PHF14: variants seen among roughly 807,000 people sequenced by gnomAD.
PHF14 encodes the protein PHD finger protein 14.
A neutral mutation model predicts 117.9 loss-of-function variants in PHF14; 55 were observed. The ratio of observed to expected loss-of-function variants is 0.47; its 90% CI spans 0.38 to 0.58. The LOEUF (loss-of-function observed/expected upper bound fraction) is 0.58. Among genes scored for constraint, PHF14 ranks in the 20% least tolerant of loss-of-function variants. The pLI is 0.00. For missense variants in PHF14, 978 were observed against 1,122.2 expected, an observed-to-expected ratio of 0.87 and a Z score of 1.84; for synonymous variants, 409 against 368.6, an observed-to-expected ratio of 1.11 and a Z score of -1.26.
intron 16 of PHF14, among the ~76,000 whole-genome samples, chr7:11,076,878 GTTT>G (rs111330414): frequency 7.4e-6 from 1 of 135,366 alleles, no homozygotes. Flanking sequence ...TTCAAATATG[GTTT>G]TTTTTTTTTT....
At chr7:11,128,356 C>T (rs1178587811) in intron 17 of PHF14, among the ~76,000 whole-genome samples, 1 of 151,982 alleles carries the variant, frequency 6.6e-6, no homozygotes, top group Non-Finnish European at 1.5e-5. Flanking sequence ...TCTTTCTCCT[C>T]TCAGCCTTAA....
intron 16 of PHF14, among the ~76,000 whole-genome samples, chr7:11,096,017 T>C (rs1237936410): frequency 6.6e-6 from 1 of 152,202 alleles, no homozygotes; most frequent in East Asian, 1.9e-4. Flanking sequence ...TTTAGTCCAC[T>C]GAGAATCCCA....
chr7:11,139,231 CAT>C (rs1193956905), intron 17 of PHF14, among the ~76,000 whole-genome samples: 4 of 152,068 alleles, frequency 2.6e-5, no homozygotes, highest in South Asian at 2.1e-4. Flanking sequence ...TATTAAAAAA[CAT>C]ATTGAGAGAA....
intron 13 of PHF14, among the ~76,000 whole-genome samples, chr7:11,049,723 G>GA (rs1316329920): frequency 6.6e-6 from 1 of 152,102 alleles, no homozygotes; most frequent in African/African-American, 2.4e-5. Context: ...AATAAAGTCA[G>GA]AATATACTTA....
chr7:11,009,660 C>T (rs1783268707), intron 4 of PHF14, among the ~76,000 whole-genome samples: 1 of 152,166 alleles, frequency 6.6e-6, no homozygotes, highest in Non-Finnish European at 1.5e-5. Flanking sequence ...GTCTAGAGCT[C>T]AGTAAACCCA....
At chr7:11,062,180 A>G in intron 16 of PHF14, 95 bp downstream of exon 16, 1 of 1,036,452 alleles carries the variant, frequency 9.6e-7, no homozygotes, top group African/African-American at 1.6e-5. Flanking sequence ...GCAGGATAAG[A>G]CCTTTCTTAA....
intron 4 of PHF14, among the ~76,000 whole-genome samples, chr7:11,001,926 A>T (rs1782889445): frequency 6.6e-6 from 1 of 151,932 alleles, no homozygotes; most frequent in Non-Finnish European, 1.5e-5. Context: ...CTCATACCTC[A>T]TCTTTGTGGG....
intron 17 of PHF14, among the ~76,000 whole-genome samples, chr7:11,127,052 TC>T (rs778479483): frequency 5.3e-5 from 8 of 152,096 alleles, no homozygotes; most frequent in Non-Finnish European, 7.4e-5. Context: ...GCTTCCTTTT[TC>T]CCCCAGTTAC....
chr7:11,159,175 C>G (rs1426634020), intron 17 of PHF14, among the ~76,000 whole-genome samples: 2 of 151,716 alleles, frequency 1.3e-5, no homozygotes, highest in Non-Finnish European at 2.9e-5. Context: ...AATTTGTTAC[C>G]TTTCATTTTT....
intron 4 of PHF14, among the ~76,000 whole-genome samples, chr7:10,994,254 A>T (rs967328829): frequency 6.6e-6 from 1 of 152,068 alleles, no homozygotes; most frequent in African/African-American, 2.4e-5. Flanking sequence ...CCTGTCCAAC[A>T]TGGTGAAACC....
rs191063396 is a variant in PHF14, at chr7:11,035,317, G to A, written c.1456-323G>A. Among the ~76,000 whole-genome samples the A allele has an allele frequency of 9.9e-5, 15 of 152,030 alleles. No homozygotes were observed. The East Asian group carries it at 2.9e-3, about 30-fold the overall frequency. ...ATCCACAGATTTTGGTATCCTTGGG[G>A]GGTCCTGGAACCAGTCCCCCATGGA... is the stretch of plus-strand genomic sequence containing the variant. On this transcript the variant is annotated intron_variant, in intron 7 of 17. Transcript: ENST00000634607.
intron 16 of PHF14, chr7:11,107,788 T>G: frequency 1.2e-6 from 1 of 860,774 alleles, no homozygotes; most frequent in African/African-American, 1.8e-5. Flanking sequence ...AAAAGTTTTT[T>G]AAAACATTTT....
In PHF14 at chr7:11,040,929, C is replaced by T. The variant is rs542139909; in HGVS notation, c.2180+154C>T. Among the ~76,000 whole-genome samples the T allele has an allele frequency of 3.3e-5, 5 of 152,028 alleles. No homozygotes were observed. The East Asian group carries it at 7.7e-4, about 23-fold the overall frequency. ...GTTCATTTTCTCAAAAGATGCATTC[C>T]AGTTTGAATGATAGAGGAGATTTTT... On this transcript the variant is annotated intron_variant, in intron 12 of 17. Coordinates refer to ENST00000634607, the MANE Select transcript of PHF14 (RefSeq NM_001007157.2).
rs927246359 is a variant in PHF14 at position 11,087,287 on chromosome 7, G to A, written c.2655-24063G>A. 3.3e-5 allele frequency among the ~76,000 whole-genome samples: 5 copies of A among 151,954 alleles called. No homozygotes were observed. In the South Asian group the frequency reaches 6.2e-4, roughly 19 times the overall value. ...GCTCACTGCAACCTCTGCCTCCTGG[G>A]TTCAAGCGATTTTTCTGCCCCAGCC... On this transcript the variant is annotated intron_variant, in intron 16 of 17. Transcript: ENST00000634607.
At chr7:11,024,533 G>C (rs1173518824) in intron 6 of PHF14, among the ~76,000 whole-genome samples, 3 of 152,152 alleles carry the variant, frequency 2.0e-5, no homozygotes, top group Non-Finnish European at 4.4e-5. Flanking sequence ...AGAGGTGAAT[G>C]CGGCTGGTGA....
chr7:11,163,490 A>C (rs1789110142), intron 17 of PHF14, among the ~76,000 whole-genome samples: 1 of 152,176 alleles, frequency 6.6e-6, no homozygotes, highest in Non-Finnish European at 1.5e-5. Flanking sequence ...TGCATTGGAA[A>C]ACTGAATGCA....
intron 7 of PHF14, among the ~76,000 whole-genome samples, chr7:11,033,615 T>G (rs1469745000): frequency 6.6e-6 from 1 of 152,186 alleles, no homozygotes; most frequent in Non-Finnish European, 1.5e-5. Context: ...GAAGAATGGA[T>G]ATTGTAAGAC....
At chr7:11,015,749 T>TA (rs1021532742) in intron 5 of PHF14, among the ~76,000 whole-genome samples, 39 of 152,102 alleles carry the variant, frequency 2.6e-4, no homozygotes, top group African/African-American at 8.2e-4. Context: ...TTACTGCTGC[T>TA]ACTAGTGCTT....
At chr7:11,018,119 G>A (rs1182806599) in intron 5 of PHF14, among the ~76,000 whole-genome samples, 1 of 152,044 alleles carries the variant, frequency 6.6e-6, no homozygotes, top group East Asian at 1.9e-4. Context: ...CCTTTGTTCT[G>A]TGTATTTGTT....
Sources: allele counts gnomAD v4.1 joint callset (sites outside exome capture counted in the v4.1 genomes callset), GRCh38; gene constraint gnomAD v4.1.1; transcripts MANE v1.5; gene names NCBI Gene and HGNC (gene_info 2026-07-23, HGNC 2026-07-21).